The following MAST2 variants were observed in gnomAD, a reference collection of about 807,000 sequenced individuals.
MAST2 encodes the protein microtubule-associated serine/threonine-protein kinase 2.
MAST2 carries 70 observed loss-of-function variants against 147.4 expected under a neutral mutation model. That is an observed-to-expected ratio of 0.47 (90% confidence interval 0.39 to 0.58). The LOEUF is 0.58. MAST2 is among the 20% of genes least tolerant of loss of function. The pLI, the probability that MAST2 is intolerant of heterozygous loss-of-function variation, is 0.00. For missense variants in MAST2, 2,080 were observed against 2,302.3 expected, an observed-to-expected ratio of 0.90 and a Z score of 1.98; for synonymous variants, 869 against 896.8, an observed-to-expected ratio of 0.97 and a Z score of 0.55.
rs1382313725 is a variant in MAST2, at chr1:45,995,346, CTCT to C, written c.593-2370_593-2368del. 2.6e-5 allele frequency among the ~76,000 whole-genome samples: 4 copies of C among 152,128 alleles called. 1 individual carries two copies. Among genetic ancestry groups the C allele is most frequent in the Admixed American group, 1.3e-4 (2 of 15,278 alleles). ...TGACTGGGTATTCTTTGATGTACTT[CTCT>C]TCTTCTTTCTCATGTTTGGGATTCT... On this transcript the variant is annotated intron_variant, in intron 5 of 28. Transcript: ENST00000361297.
intron 4 of MAST2, among the ~76,000 whole-genome samples, chr1:45,939,980 G>GTTTTTTTTT (rs1174123217): frequency 0.017 from 1,649 of 96,992 alleles, 61 homozygotes; most frequent in East Asian, 0.025. Context: ...TTTATTTAGG[G>GTTTTTTTTT]TTTTTTTTTT....
intron 3 of MAST2, among the ~76,000 whole-genome samples, chr1:45,859,343 G>T (rs1418677095): frequency 2.6e-5 from 4 of 152,080 alleles, no homozygotes; most frequent in Admixed American, 2.0e-4. Context: ...CAAGTGATCC[G>T]CCAGCCTTTG....
At chr1:45,954,034 CT>C (rs1332732153) in intron 4 of MAST2, among the ~76,000 whole-genome samples, 2 of 152,084 alleles carry the variant, frequency 1.3e-5, no homozygotes, top group East Asian at 3.9e-4. Flanking sequence ...CCACATTCTT[CT>C]TTATATTGTT....
rs369045387 is a variant in MAST2 at position 46,023,974 on chromosome 1, G to A, written c.1774G>A (p.Val592Ile). 1.5e-5 allele frequency: 24 copies of A among 1,613,994 alleles called. No individual in the cohort carries two copies. The African/African-American group carries it at 1.7e-4, about 12-fold the overall frequency. Residue 592 changes from valine (V) to isoleucine (I), a missense_variant, in exon 15 of 29, where the codon GTT becomes ATT. Physicochemically the swap from Val to Ile is conservative, Grantham distance 29. This residue lies in a region of MAST2 where 209 missense variants were observed against 309.5 expected (regional missense o/e 0.68). Transcript: ENST00000361297. The surrounding 1 kb of genome is among the most constrained non-coding windows in gnomAD (Gnocchi z 4.9). ...CCACTTGTGCATGGTGATGGAGTAC[G>A]TTGAAGGTACTGAGGCAAAGGTGGC... ...KRHLCMVMEY[V>I]EGGDCATLLK...
At chr1:45,888,663 CTTTTTTTTTTTTTTTTTTTTT>C (rs71587722) in intron 4 of MAST2, among the ~76,000 whole-genome samples, 80 of 48,726 alleles carry the variant, frequency 1.6e-3, no homozygotes, top group Non-Finnish European at 2.5e-3. Context: ...CGCGCGGCCT[CTTTTTTTTTTTTTTTTTTTTT>C]TTTTTTTTTT....
intron 15 of MAST2, among the ~76,000 whole-genome samples, chr1:46,025,269 A>G (rs1013515387): frequency 2.0e-5 from 3 of 152,212 alleles, no homozygotes; most frequent in Non-Finnish European, 4.4e-5. Flanking sequence ...CGGTGAGCTG[A>G]TATCACACCA....
At chr1:45,820,413 T>A (rs1644585509) in intron 1 of MAST2, among the ~76,000 whole-genome samples, 1 of 152,164 alleles carries the variant, frequency 6.6e-6, no homozygotes, top group Non-Finnish European at 1.5e-5. Flanking sequence ...TTGGTTGCTA[T>A]GGGGATTACA....
intron 5 of MAST2, among the ~76,000 whole-genome samples, chr1:45,989,243 A>G (rs993023515): frequency 6.6e-6 from 1 of 152,148 alleles, no homozygotes; most frequent in African/African-American, 2.4e-5. Flanking sequence ...TTTCCACTCC[A>G]ACAATGAGAA....
chr1:45,867,475 C>T (rs1000506580), intron 3 of MAST2, among the ~76,000 whole-genome samples: 1 of 151,868 alleles, frequency 6.6e-6, no homozygotes, highest in Non-Finnish European at 1.5e-5. Flanking sequence ...CAGCAAAGAC[C>T]TTGTCTATTT....
intron 1 of MAST2, among the ~76,000 whole-genome samples, chr1:45,816,621 A>AG (rs1644462756): frequency 6.6e-6 from 1 of 152,192 alleles, no homozygotes; most frequent in East Asian, 1.9e-4. Context: ...CAGTTGATAT[A>AG]CTAAGGAATG....
chr1:45,864,805 T>C (rs1340977886), intron 3 of MAST2, among the ~76,000 whole-genome samples: 7 of 152,240 alleles, frequency 4.6e-5, no homozygotes, highest in Non-Finnish European at 7.3e-5. Context: ...TGTTCTTTTC[T>C]TAGTACTTCA....
At chr1:45,857,393 C>A (rs1289029310) in intron 3 of MAST2, among the ~76,000 whole-genome samples, 1 of 152,130 alleles carries the variant, frequency 6.6e-6, no homozygotes, top group African/African-American at 2.4e-5. Context: ...CATATTTGTC[C>A]TCTATAAAAA....
At chr1:45,955,227 C>A (rs1185939796) in intron 4 of MAST2, among the ~76,000 whole-genome samples, 1 of 152,046 alleles carries the variant, frequency 6.6e-6, no homozygotes, top group African/African-American at 2.4e-5. Flanking sequence ...CCAGGACCCA[C>A]ACGGATACCA....
Position 45,942,456 on chromosome 1 carries a change from G to A in MAST2, c.501-16930G>A, listed in dbSNP as rs190002178. On this transcript the variant is annotated intron_variant, in intron 4 of 28. Coordinates refer to ENST00000361297, the MANE Select transcript of MAST2 (RefSeq NM_015112.3). ...ATGTATTCATGTGGGAAAACTCAGT[G>A]ATGAGTAACTCAAAGAGGTGCTGAG... Among the ~76,000 whole-genome samples the A allele has an allele frequency of 1.1e-4, 17 of 152,316 alleles. No homozygotes were observed. In the East Asian group the frequency reaches 2.7e-3, roughly 24 times the overall value.
chr1:46,008,465 T>G (rs1449046697), intron 9 of MAST2, 94 bp downstream of exon 9: 10 of 795,286 alleles, frequency 1.3e-5, no homozygotes, highest in Non-Finnish European at 2.2e-5. Flanking sequence ...AGGAATGAAG[T>G]GCTACCTCCA....
rs199547415 is a variant in MAST2 at position 46,023,242 on chromosome 1, G to C, written c.1495G>C (p.Ala499Pro). The change falls in exon 14 of 29, where the codon GCA (alanine) becomes CCA (proline). Residue 499 changes from alanine to proline, a missense_variant. This residue lies in a region of MAST2 where 569 missense variants were observed against 642.5 expected (regional missense o/e 0.89). Transcript: ENST00000361297. The surrounding 1 kb of genome is among the most constrained non-coding windows in gnomAD (Gnocchi z 4.9). The part of the protein sequence containing the change: ...ETDDSIEGHG[A>P]SLPSKKTPSE... ...TTCCCTTGTCTTCCAGGGCCATGGG[G>C]CATCTCTGCCATCTAAAAAGACACC... 1.5e-4 allele frequency: 243 copies of C among 1,614,036 alleles called. No homozygotes were observed. Among genetic ancestry groups the C allele is most frequent in the Admixed American group, 4.5e-4 (27 of 60,034 alleles).
intron 4 of MAST2, among the ~76,000 whole-genome samples, chr1:45,958,552 CT>C (rs1381534873): frequency 4.0e-5 from 6 of 151,384 alleles, no homozygotes; most frequent in Non-Finnish European, 5.9e-5. Context: ...CCCTCTCCCC[CT>C]CTCCCTCTCT....
At chr1:45,892,542 C>T (rs1647995808) in intron 4 of MAST2, among the ~76,000 whole-genome samples, 1 of 152,222 alleles carries the variant, frequency 6.6e-6, no homozygotes. Context: ...GAAATTCTGA[C>T]TCATTCCACT....
intron 3 of MAST2, among the ~76,000 whole-genome samples, chr1:45,839,583 T>G (rs1045772515): frequency 7.2e-5 from 11 of 152,190 alleles, no homozygotes; most frequent in African/African-American, 2.2e-4. Flanking sequence ...CTAGGAAGAC[T>G]CATATCATGA....
Sources: allele counts gnomAD v4.1 joint callset (sites outside exome capture counted in the v4.1 genomes callset), GRCh38; gene constraint gnomAD v4.1.1; regional missense constraint gnomAD v4.1.1; non-coding constraint Gnocchi (gnomAD v3.1); transcripts MANE v1.5; gene names NCBI Gene and HGNC (gene_info 2026-07-23, HGNC 2026-07-21).